Variants in MMP17 observed in about 807,000 individuals in gnomAD.
The protein encoded by MMP17 is matrix metallopeptidase 17.
In MMP17, 54 loss-of-function variants were observed where a neutral mutation model predicts 49.1. That is an observed-to-expected ratio of 1.10 (90% confidence interval 0.88 to 1.38). The LOEUF is 1.38. Ranked by LOEUF, MMP17 falls within the 40% of genes most tolerant of loss-of-function variation. The probability of loss-of-function intolerance (pLI) is 0.00; values close to 1 mark genes in which losing one functional copy is unlikely to be tolerated. For missense variants in MMP17, 837 were observed against 853.7 expected (o/e 0.98, Z 0.24); for synonymous variants, 397 against 383.1 (o/e 1.04, Z -0.42).
At chr12:131,836,051 G>A (rs931759520) in intron 1 of MMP17, among the ~76,000 whole-genome samples, 7 of 152,186 alleles carry the variant, frequency 4.6e-5, no homozygotes, top group African/African-American at 1.2e-4. Context: ...CAGAGAAGCT[G>A]CCCACCCCAG....
In MMP17 at chr12:131,840,655, G is replaced by C. The variant is rs373637104; in HGVS notation, c.505G>C (p.Asp169His). ...GTACTACGCCCTCAAGGTCTGGAGC[G>C]ACATTGCGCCCCTGAACTTCCACGA... ...LMYYALKVWSDIAPLNFHEVA... is the reference protein window; with the variant it reads ...LMYYALKVWSHIAPLNFHEVA... Residue 169 changes from aspartate (D) to histidine (H), a missense_variant, in exon 4 of 10, where the codon GAC (aspartate) becomes CAC (histidine). Physicochemically the swap from Asp to His is moderately conservative, Grantham distance 81. Transcript: ENST00000360564. The C allele has an allele frequency of 1.2e-6, 2 of 1,608,786 alleles. No individual in the cohort carries two copies. The highest frequency in any genetic ancestry group is 1.7e-6 in the Non-Finnish European group (2 of 1,179,964).
Position 131,845,136 on chromosome 12 carries a change from C to T in MMP17, c.987C>T (p.Pro329=), listed in dbSNP as rs943752484. Reference sequence around the variant, plus strand: ...CCTGCAGGCCCAGGAAGGACGTGCCCCACAGATGCAGCACTCACTTTGACG... The same window carrying T: ...CCTGCAGGCCCAGGAAGGACGTGCCTCACAGATGCAGCACTCACTTTGACG... The part of the protein sequence containing the change: ...RSSAPPRKDV[P]HRCSTHFDAV... Residue 329 remains proline, a synonymous_variant, in exon 7 of 10, where the codon CCC becomes CCT. Coordinates refer to ENST00000360564, the MANE Select transcript of MMP17 (RefSeq NM_016155.7). 9 of 1,606,220 alleles carry T rather than the reference C, an allele frequency of 5.6e-6. No individual in the cohort carries two copies. Among genetic ancestry groups the T allele is most frequent in the Non-Finnish European group, 6.8e-6 (8 of 1,178,122 alleles).
At position 131,840,585 on chromosome 12, in the gene MMP17, C is replaced by T. The variant is rs1246167018; in HGVS notation, c.435C>T (p.Phe145=). ...CCCCTGCCTGCAGGGTCCGGACGTT[C>T]CCACGGGACTCACCACTGGGGCACG... ...KRNLSWRVRT[F]PRDSPLGHDT... Residue 145 remains phenylalanine (F), a synonymous_variant, in exon 4 of 10, where the codon TTC becomes TTT. Coordinates refer to ENST00000360564, the MANE Select transcript of MMP17 (RefSeq NM_016155.7). 3 of 1,591,618 alleles carry T rather than the reference C, an allele frequency of 1.9e-6. No homozygotes were observed. Among genetic ancestry groups the T allele is most frequent in the Middle Eastern group, 3.3e-4 (2 of 6,004 alleles).
intron 2 of MMP17, 46 bp from the exon 3 acceptor site, chr12:131,838,565 TG>T: frequency 1.3e-6 from 2 of 1,571,816 alleles, no homozygotes; most frequent in Non-Finnish European, 8.7e-7. Context: ...GATCCTAGGG[TG>T]GGGAGTGAGC....
chr12:131,828,579 C>G lies in MMP17; in HGVS notation c.85C>G (p.Leu29Val). 1 of 1,025,402 alleles carries G rather than the reference C, an allele frequency of 9.8e-7. No individual in the cohort carries two copies. 63.5% of individuals were successfully genotyped at this position (1,025,402 alleles called of 1,614,324 possible). Reference sequence around the variant, plus strand: ...GCTGCCGCTGCCGCTGCTGCTGCTGCTGGCGCTGGGGACCCGCGGGGGCTG... The same window carrying G: ...GCTGCCGCTGCCGCTGCTGCTGCTGGTGGCGCTGGGGACCCGCGGGGGCTG... ...SRLPLPLLLL[L>V]ALGTRGGCAA... The change falls in exon 1 of 10, where the codon CTG becomes GTG. Residue 29 changes from leucine (L) to valine (V), a missense_variant. By Grantham distance (32) the Leu-to-Val change is conservative. Transcript: ENST00000360564.
intron 1 of MMP17, among the ~76,000 whole-genome samples, chr12:131,831,702 C>A (rs2136306214): frequency 6.7e-6 from 1 of 148,938 alleles, no homozygotes; most frequent in South Asian, 2.2e-4. Flanking sequence ...GCTTTGCCAC[C>A]CAACTAAGTG....
chr12:131,845,850 G>T (rs983889382), intron 8 of MMP17, among the ~76,000 whole-genome samples: 2 of 152,150 alleles, frequency 1.3e-5, no homozygotes, highest in Admixed American at 1.3e-4. Flanking sequence ...GCCGTGCGAG[G>T]CAGGAGCAGC....
intron 1 of MMP17, among the ~76,000 whole-genome samples, chr12:131,830,867 GT>G (rs1294103093): frequency 1.3e-5 from 2 of 152,234 alleles, no homozygotes; most frequent in Admixed American, 1.3e-4. Context: ...AGAGCGCACT[GT>G]CCCCCCGGGG....
At chr12:131,832,464 A>AG (rs1345825282) in intron 1 of MMP17, among the ~76,000 whole-genome samples, 1 of 151,968 alleles carries the variant, frequency 6.6e-6, no homozygotes, top group Non-Finnish European at 1.5e-5. Context: ...TGGGGGTTCC[A>AG]GGGGCACTTT....
At chr12:131,829,649 C>A (rs1886694471) in intron 1 of MMP17, among the ~76,000 whole-genome samples, 1 of 152,246 alleles carries the variant, frequency 6.6e-6, no homozygotes, top group Non-Finnish European at 1.5e-5. Context: ...TGGCAGGGCC[C>A]CTCGCCCAGC....
intron 5 of MMP17, among the ~76,000 whole-genome samples, chr12:131,843,291 T>TA (rs1887519516): frequency 9.1e-6 from 1 of 109,776 alleles, no homozygotes. Context: ...TTTTTTTTTT[T>TA]AGAGATGGGG....
intron 8 of MMP17, among the ~76,000 whole-genome samples, chr12:131,849,108 C>T (rs1021100706): frequency 3.3e-5 from 5 of 152,176 alleles, no homozygotes; most frequent in Admixed American, 6.5e-5. Context: ...GGCGAGGGGG[C>T]GTCTCATTGT....
chr12:131,834,963 G>A (rs774040792), intron 1 of MMP17, among the ~76,000 whole-genome samples: 12 of 152,304 alleles, frequency 7.9e-5, no homozygotes, highest in East Asian at 5.8e-4. Flanking sequence ...AGGGCGCCTC[G>A]TGGGCTCAGG....
intron 5 of MMP17, among the ~76,000 whole-genome samples, chr12:131,842,455 T>G (rs1887464296): frequency 6.6e-6 from 1 of 152,186 alleles, no homozygotes. Context: ...TCGTTTCCAC[T>G]GTAGTAAAAT....
chr12:131,845,496 C>A (rs1887662254), intron 8 of MMP17, 47 bp downstream of exon 8: 1 of 1,524,014 alleles, frequency 6.6e-7, no homozygotes, highest in South Asian at 1.2e-5. Flanking sequence ...GGCCCTCTGT[C>A]CGCCTCATGG....
At chr12:131,848,515 C>G (rs775556972) in intron 8 of MMP17, among the ~76,000 whole-genome samples, 1 of 152,254 alleles carries the variant, frequency 6.6e-6, no homozygotes, top group Non-Finnish European at 1.5e-5. Flanking sequence ...GTCCACCTCC[C>G]GAAGATTTCC....
chr12:131,849,366 C>A (rs1887859618), intron 8 of MMP17, among the ~76,000 whole-genome samples: 1 of 152,100 alleles, frequency 6.6e-6, no homozygotes, highest in Non-Finnish European at 1.5e-5. Context: ...CGCCTGTAAT[C>A]CCAGCTACGC....
intron 1 of MMP17, among the ~76,000 whole-genome samples, chr12:131,831,054 C>A (rs1164479724): frequency 6.6e-6 from 1 of 152,194 alleles, no homozygotes. Flanking sequence ...ACGGTGGCAC[C>A]GTGGGCCGTG....
At chr12:131,840,519 T>C in intron 3 of MMP17, 54 bp from the exon 4 acceptor site, 1 of 1,520,142 alleles carries the variant, frequency 6.6e-7, no homozygotes, top group Non-Finnish European at 8.8e-7. Flanking sequence ...AACCTCGGCC[T>C]GGGGCACGTG....
Sources: gnomAD v4.1 joint callset for allele counts (sites outside exome capture counted in the v4.1 genomes callset) on GRCh38, gnomAD v4.1.1 for gene constraint, MANE v1.5 for transcripts, NCBI Gene and HGNC (gene_info 2026-07-23, HGNC 2026-07-21) for gene names.